Variants in DNAL1 observed in about 807,000 individuals in gnomAD.
DNAL1 encodes dynein axonemal light chain 1, also known as chromosome 14 open reading frame 168.
In DNAL1, 17 loss-of-function variants were observed where a neutral mutation model predicts 29.4. The ratio of observed to expected loss-of-function variants is 0.58; its 90% CI spans 0.40 to 0.87. DNAL1 has a LOEUF of 0.87. Among genes scored for constraint, DNAL1 ranks in the 40% least tolerant of loss-of-function variants. The pLI is 0.00. For synonymous variants in DNAL1, 78 were observed against 76.3 expected, an observed-to-expected ratio of 1.02 and a Z score of -0.12; for missense variants, 188 against 214.1, an observed-to-expected ratio of 0.88 and a Z score of 0.76.
chr14:73,657,532 A>G (rs1891246497), intron 2 of DNAL1, among the ~76,000 whole-genome samples: 1 of 151,892 alleles, frequency 6.6e-6, no homozygotes, highest in African/African-American at 2.4e-5. Context: ...GTTTGCAAAT[A>G]TTTTCCCCCA....
intron 2 of DNAL1, among the ~76,000 whole-genome samples, chr14:73,658,065 T>C (rs181103062): frequency 5.4e-4 from 82 of 152,364 alleles, no homozygotes; most frequent in Middle Eastern, 3.4e-3. Context: ...TAATTCATCA[T>C]GGTTGATTTT....
chr14:73,703,564 A>G lies in DNAL1; in HGVS notation c.*7622A>G, dbSNP rs1892486351. On this transcript the variant is annotated 3_prime_UTR_variant, in exon 8 of 8. Transcript: ENST00000553645. The stretch of plus-strand genomic sequence containing the variant: ...TTTTTAATTCTCCCCACCCTTGAGA[A>G]TGTACTTTGTGAGCTCCACCCACTG... 1 of 152,194 alleles carries G rather than the reference A, an allele frequency of 6.6e-6. No individual in the cohort carries two copies. The highest frequency in any genetic ancestry group is 2.4e-5 in the African/African-American group (1 of 41,430). 9.4% of individuals were successfully genotyped at this position (152,194 alleles called of 1,614,324 possible). A position where few individuals can be genotyped will look rare whatever the true frequency, so the allele number is the denominator to read the frequency against.
At position 73,648,403 on chromosome 14, in the gene DNAL1, C is replaced by CAT. The variant is rs149075024; in HGVS notation, c.3+3374_3+3375dup. ...CTCGATGTGTTATAACACCTCATTTCATATATATATATATTTGTTGTTTGT... is the reference window on the plus strand; with the variant it reads ...CTCGATGTGTTATAACACCTCATTTCATATATATATATATATTTGTTGTTTGT... On this transcript the variant is annotated intron_variant, in intron 1 of 7. Transcript: ENST00000553645. Among the ~76,000 whole-genome samples, 404 of 86,764 alleles carry CAT rather than the reference C, an allele frequency of 4.7e-3. 62 individuals carry two copies. The highest frequency in any genetic ancestry group is 0.016 in the African/African-American group (255 of 16,022). The allele number at this position is 86,764 out of a possible 152,430, so 56.9% of individuals were successfully genotyped here.
At chr14:73,687,458 C>G (rs1892046621) in intron 6 of DNAL1, 73 bp downstream of exon 6, 1 of 1,423,050 alleles carries the variant, frequency 7.0e-7, no homozygotes, top group Non-Finnish European at 9.2e-7. Context: ...GGAAAAGATG[C>G]AAAACGAGAA....
rs77427953 is a variant in DNAL1 at position 73,664,870 on chromosome 14, A to T, written c.208+2828A>T. ...AGCAAGACCTTGTCTAAAAAAAAAA[A>T]TAAAAAAAAATTACGAATGCCACGT... On this transcript the variant is annotated intron_variant, in intron 4 of 7. Transcript: ENST00000553645. Among the ~76,000 whole-genome samples the T allele has an allele frequency of 5.8e-5, 8 of 138,458 alleles. No individual in the cohort carries two copies. In the East Asian group the frequency reaches 1.9e-3, roughly 33 times the overall value. 90.8% of individuals were successfully genotyped at this position (138,458 alleles called of 152,430 possible).
chr14:73,689,759 G>A (rs1386998682), intron 7 of DNAL1, among the ~76,000 whole-genome samples: 1 of 152,082 alleles, frequency 6.6e-6, no homozygotes, highest in Non-Finnish European at 1.5e-5. Context: ...GCCTGGCCGG[G>A]CATGGGTGGC....
rs1455733297 is a variant in DNAL1, at chr14:73,685,223, CTCT to C, written c.265-2033_265-2031del. Among the ~76,000 whole-genome samples, 8 of 152,158 alleles carry C rather than the reference CTCT, an allele frequency of 5.3e-5. No individual in the cohort carries two copies. In the South Asian group the frequency reaches 8.3e-4, roughly 16 times the overall value. On this transcript the variant is annotated intron_variant, in intron 5 of 7. Transcript: ENST00000553645. ...ACCATCACCATCCATCTCCAGAACTCTCTTCATCTTGTGTGTCTGAACCTCTGT... is the reference window on the plus strand; with the variant it reads ...ACCATCACCATCCATCTCCAGAACTCTCATCTTGTGTGTCTGAACCTCTGT...
At chr14:73,691,755 G>A (rs754997651) in intron 7 of DNAL1, among the ~76,000 whole-genome samples, 131 of 150,344 alleles carry the variant, frequency 8.7e-4, no homozygotes, top group Non-Finnish European at 1.4e-3. Flanking sequence ...ATACAATGGC[G>A]CAATCTTGGC....
In DNAL1 at chr14:73,644,988, A is replaced by G; in HGVS notation, c.-52A>G. On this transcript the variant is annotated 5_prime_UTR_variant, in exon 1 of 8. Transcript: ENST00000553645. ...AGAGCGCCGAGAAGTGCGCACGCGC[A>G]CTGACCCCGCGGGCCCTAGCAACCA... 4.4e-6 allele frequency: 7 copies of G among 1,602,796 alleles called. No individual in the cohort carries two copies. The highest frequency in any genetic ancestry group is 6.0e-6 in the Non-Finnish European group (7 of 1,175,428).
intron 1 of DNAL1, among the ~76,000 whole-genome samples, chr14:73,648,254 A>G (rs1891024340): frequency 6.6e-6 from 1 of 151,716 alleles, no homozygotes; most frequent in Non-Finnish European, 1.5e-5. Context: ...GTGGGATTGC[A>G]GGCGTGAGCC....
intron 4 of DNAL1, 112 bp from the exon 5 acceptor site, chr14:73,671,430 T>C: frequency 9.0e-7 from 1 of 1,116,544 alleles, no homozygotes; most frequent in East Asian, 3.6e-5. Flanking sequence ...TTCTTACTCA[T>C]TGTATAAGGA....
chr14:73,654,705 G>A (rs1030894125), intron 1 of DNAL1, 142 bp from the exon 2 acceptor site: 3 of 662,516 alleles, frequency 4.5e-6, no homozygotes, highest in Admixed American at 3.6e-5. Flanking sequence ...GTTGTGGTGA[G>A]CGGAAATCAT....
chr14:73,688,566 C>T (rs1339948407), intron 6 of DNAL1, among the ~76,000 whole-genome samples: 6 of 151,898 alleles, frequency 4.0e-5, no homozygotes, highest in South Asian at 4.2e-4. Flanking sequence ...GAGGTTGCAG[C>T]GAGTGGAGAT....
rs914482652 is a variant in DNAL1, at chr14:73,700,798, T to G, written c.*4856T>G. On this transcript the variant is annotated 3_prime_UTR_variant, in exon 8 of 8. Coordinates refer to ENST00000553645, the MANE Select transcript of DNAL1 (RefSeq NM_031427.4). ...TATTTATTTGGGGCTGTTTAATGTG[T>G]CTGTAAATCATGAAATATAAAAGCA... is the stretch of plus-strand genomic sequence containing the variant. 1.3e-5 allele frequency: 2 copies of G among 152,240 alleles called. No individual in the cohort carries two copies. Among genetic ancestry groups the G allele is most frequent in the African/African-American group, 4.8e-5 (2 of 41,468 alleles). The allele number at this position is 152,240 out of a possible 1,614,324, so 9.4% of individuals were successfully genotyped here.
chr14:73,666,789 A>T (rs1316093380), intron 4 of DNAL1, among the ~76,000 whole-genome samples: 1 of 152,104 alleles, frequency 6.6e-6, no homozygotes, highest in Non-Finnish European at 1.5e-5. Context: ...GAATCAGCGT[A>T]TTTTTTGATA....
Position 73,697,419 on chromosome 14 carries a change from A to T in DNAL1, c.*1477A>T, listed in dbSNP as rs1025308416. The T allele has an allele frequency of 1.3e-5, 2 of 152,182 alleles. No homozygotes were observed. The highest frequency in any genetic ancestry group is 2.9e-5 in the Non-Finnish European group (2 of 68,034). 9.4% of individuals were successfully genotyped at this position (152,182 alleles called of 1,614,324 possible). A position where few individuals can be genotyped will look rare whatever the true frequency, so the allele number is the denominator to read the frequency against. On this transcript the variant is annotated 3_prime_UTR_variant, in exon 8 of 8. Transcript: ENST00000553645. ...ATTTTTCTAAGTTACTCTGATCAAA[A>T]GGGACCACTGCTTTGACAATCAACT... is the stretch of plus-strand genomic sequence containing the variant.
rs114948986 is a variant in DNAL1, at chr14:73,674,613, C to A, written c.264+3016C>A. On this transcript the variant is annotated intron_variant, in intron 5 of 7. Transcript: ENST00000553645. ...CTAGAGTGCAGTAGTACAATCACAGCTCATTGCAACCTTGACCTCCTGGGC... is the reference window on the plus strand; with the variant it reads ...CTAGAGTGCAGTAGTACAATCACAGATCATTGCAACCTTGACCTCCTGGGC... Among the ~76,000 whole-genome samples the A allele has an allele frequency of 8.0e-3, 1,226 of 152,318 alleles. 23 individuals carry two copies. Among genetic ancestry groups the A allele is most frequent in the African/African-American group, 0.028 (1,162 of 41,568 alleles).
rs1891179013 is a variant in DNAL1 at position 73,654,853 on chromosome 14, GCAA to G, written c.17_19del (p.Thr6del). ...CTTTTTTTTTTTTTTAAAGGCGAAA[GCAA>G]CAACAATCAAAGAAGCCTTAGCGAG... On this transcript the variant is annotated inframe_deletion, in exon 2 of 8. Transcript: ENST00000553645. 1.3e-6 allele frequency: 2 copies of G among 1,518,718 alleles called. No individual in the cohort carries two copies. Among genetic ancestry groups the G allele is most frequent in the South Asian group, 1.3e-5 (1 of 77,620 alleles). The allele number at this position is 1,518,718 out of a possible 1,614,324, so 94.1% of individuals were successfully genotyped here. A position where few individuals can be genotyped will look rare whatever the true frequency, so the allele number is the denominator to read the frequency against.
chr14:73,693,230 AATG>A (rs1892219004), intron 7 of DNAL1, among the ~76,000 whole-genome samples: 1 of 152,076 alleles, frequency 6.6e-6, no homozygotes, highest in Non-Finnish European at 1.5e-5. Flanking sequence ...GTAGGATGGT[AATG>A]TAACTTGGTA....
Sources: gnomAD v4.1 joint callset for allele counts (sites outside exome capture counted in the v4.1 genomes callset) on GRCh38, gnomAD v4.1.1 for gene constraint, MANE v1.5 for transcripts, NCBI Gene and HGNC (gene_info 2026-07-23, HGNC 2026-07-21) for gene names.